PCP4L1: variants seen among roughly 807,000 people sequenced by gnomAD.
PCP4L1 encodes Purkinje cell protein 4 like 1, also known as Purkinje cell protein 4-like protein 1.
In PCP4L1, 9 loss-of-function variants were observed where a neutral mutation model predicts 9.6. The ratio of observed to expected loss-of-function variants is 0.94; its 90% confidence interval spans 0.57 to 1.64. PCP4L1 has a LOEUF of 1.64. PCP4L1 is among the 40% of genes most tolerant of loss of function. The probability of loss-of-function intolerance (pLI) is 0.00; values close to 1 mark genes in which losing one functional copy is unlikely to be tolerated. For synonymous variants in PCP4L1, 31 were observed against 28.2 expected, an observed-to-expected ratio of 1.10 and a Z score of -0.31; for missense variants, 81 against 80.8, an observed-to-expected ratio of 1.00 and a Z score of -0.01.
In PCP4L1 at chr1:161,284,862, G is replaced by T. The variant is rs768585294; in HGVS notation, c.*381G>T. ...TGCCTGAGGGTGGGACATATGCACT[G>T]TTCTGCTAGTTACGGCATTCACACT... On this transcript the variant is annotated 3_prime_UTR_variant, in exon 3 of 3. Coordinates refer to ENST00000504449, the MANE Select transcript of PCP4L1 (RefSeq NM_001102566.2). 9.6e-5 allele frequency: 19 copies of T among 197,486 alleles called. No individual in the cohort carries two copies. The highest frequency in any genetic ancestry group is 4.3e-4 in the Admixed American group (8 of 18,672). The allele number at this position is 197,486 out of a possible 1,614,324, so 12.2% of individuals were successfully genotyped here.
At chr1:161,263,531 C>A (rs1309308551) in intron 1 of PCP4L1, among the ~76,000 whole-genome samples, 1 of 151,918 alleles carries the variant, frequency 6.6e-6, no homozygotes, top group Non-Finnish European at 1.5e-5. Context: ...AGCCACTGTG[C>A]CTGGCCACAG....
chr1:161,280,784 C>G (rs1269738113), intron 1 of PCP4L1, among the ~76,000 whole-genome samples: 2 of 152,174 alleles, frequency 1.3e-5, no homozygotes, highest in Non-Finnish European at 2.9e-5. Flanking sequence ...TTTTCTCCTA[C>G]CTGGCTTCTT....
intron 1 of PCP4L1, among the ~76,000 whole-genome samples, chr1:161,274,041 C>A (rs368017819): frequency 6.6e-6 from 1 of 152,180 alleles, no homozygotes; most frequent in Non-Finnish European, 1.5e-5. Flanking sequence ...AACCTCTCAA[C>A]TTCAATTTCC....
At chr1:161,261,035 G>A (rs557146548) in intron 1 of PCP4L1, among the ~76,000 whole-genome samples, 19 of 152,240 alleles carry the variant, frequency 1.2e-4, no homozygotes, top group Non-Finnish European at 7.4e-5. Context: ...ATGGTAAAAG[G>A]TGGAAGTGTT....
chr1:161,270,249 ATCAT>A (rs1436637165), intron 1 of PCP4L1, among the ~76,000 whole-genome samples: 3 of 152,122 alleles, frequency 2.0e-5, no homozygotes, highest in Admixed American at 1.3e-4. Context: ...GTGAGCTGAG[ATCAT>A]GCCACTGTAC....
chr1:161,264,409 C>T (rs560607312), intron 1 of PCP4L1, among the ~76,000 whole-genome samples: 12 of 151,926 alleles, frequency 7.9e-5, no homozygotes, highest in Admixed American at 6.6e-5. Context: ...CACAGCTACT[C>T]GGGAGGCTGA....
intron 1 of PCP4L1, among the ~76,000 whole-genome samples, chr1:161,272,127 G>T (rs1669633334): frequency 1.3e-5 from 2 of 151,448 alleles, no homozygotes; most frequent in Non-Finnish European, 2.9e-5. Flanking sequence ...ATTCATGGGG[G>T]TACATAGTGA....
chr1:161,263,490 C>T (rs749818952), intron 1 of PCP4L1, among the ~76,000 whole-genome samples: 19 of 152,042 alleles, frequency 1.2e-4, no homozygotes, highest in Non-Finnish European at 2.4e-4. Flanking sequence ...CTGCCCACCT[C>T]GGCTCCCAAA....
chr1:161,279,489 G>A (rs1418759878), intron 1 of PCP4L1, among the ~76,000 whole-genome samples: 1 of 152,212 alleles, frequency 6.6e-6, no homozygotes, highest in African/African-American at 2.4e-5. Context: ...TTATTGAAGT[G>A]AGATGGAAAC....
chr1:161,270,507 A>G (rs1222237832), intron 1 of PCP4L1, among the ~76,000 whole-genome samples: 1 of 143,266 alleles, frequency 7.0e-6, no homozygotes, highest in African/African-American at 2.6e-5. Context: ...GGAAGTGATT[A>G]GGTCATGAGG....
At chr1:161,261,273 C>T (rs572044235) in intron 1 of PCP4L1, among the ~76,000 whole-genome samples, 1 of 152,198 alleles carries the variant, frequency 6.6e-6, no homozygotes, top group Non-Finnish European at 1.5e-5. Context: ...AGAACAAAAC[C>T]AGGGAGGAGT....
At chr1:161,267,313 T>A (rs1162745860) in intron 1 of PCP4L1, among the ~76,000 whole-genome samples, 1 of 152,236 alleles carries the variant, frequency 6.6e-6, no homozygotes, top group Non-Finnish European at 1.5e-5. Flanking sequence ...ACCCAAGCTA[T>A]GTCATGCAAA....
At chr1:161,266,090 G>A (rs12137529) in intron 1 of PCP4L1, among the ~76,000 whole-genome samples, 21,277 of 151,926 alleles carry the variant, frequency 0.14, 1,554 homozygotes, top group Middle Eastern at 0.16. Context: ...CCCATAAACA[G>A]GTACCTAGAA....
rs189900714 is a variant in PCP4L1, at chr1:161,261,079, A to G, written c.9+2096A>G. 6.5e-4 allele frequency among the ~76,000 whole-genome samples: 99 copies of G among 152,192 alleles called. No homozygotes were observed. In the Middle Eastern group the frequency reaches 0.014, roughly 21 times the overall value. On this transcript the variant is annotated intron_variant, in intron 1 of 2. Coordinates refer to ENST00000504449, the MANE Select transcript of PCP4L1 (RefSeq NM_001102566.2). ...CTCTAGGGAGACTCCAAACTGCTTC[A>G]TTTCTCTCAGGCCAGCCCCATGGGG...
At chr1:161,272,884 C>T (rs539801604) in intron 1 of PCP4L1, among the ~76,000 whole-genome samples, 34 of 151,870 alleles carry the variant, frequency 2.2e-4, no homozygotes, top group African/African-American at 6.5e-4. Context: ...TGGGAGGAGG[C>T]AGATAGGCAA....
chr1:161,277,561 C>G (rs1429935885), intron 1 of PCP4L1, among the ~76,000 whole-genome samples: 4 of 152,214 alleles, frequency 2.6e-5, no homozygotes, highest in Admixed American at 6.5e-5. Flanking sequence ...CTTATCTCCT[C>G]TAAAATCACT....
In PCP4L1 at chr1:161,284,728, C is replaced by A; in HGVS notation, c.*247C>A. 1 of 539,898 alleles carries A rather than the reference C, an allele frequency of 1.9e-6. No individual in the cohort carries two copies. Among genetic ancestry groups the A allele is most frequent in the Non-Finnish European group, 3.3e-6 (1 of 303,962 alleles). The allele number at this position is 539,898 out of a possible 1,614,324, so 33.4% of individuals were successfully genotyped here. On this transcript the variant is annotated 3_prime_UTR_variant, in exon 3 of 3. Transcript: ENST00000504449. ...AACAATTTCTTCTTGGTATAAGGTTCTTTGATCAGTAGCTATGCCTGCCCT... is the reference window on the plus strand; with the variant it reads ...AACAATTTCTTCTTGGTATAAGGTTATTTGATCAGTAGCTATGCCTGCCCT...
chr1:161,267,130 G>A (rs1669545146), intron 1 of PCP4L1, among the ~76,000 whole-genome samples: 1 of 152,172 alleles, frequency 6.6e-6, no homozygotes, highest in Non-Finnish European at 1.5e-5. Flanking sequence ...CAAAGGCAAG[G>A]AAAGGGATTT....
chr1:161,265,076 A>G (rs1311968319), intron 1 of PCP4L1, among the ~76,000 whole-genome samples: 1 of 152,150 alleles, frequency 6.6e-6, no homozygotes, highest in African/African-American at 2.4e-5. Context: ...CCCTCTTTTC[A>G]TGAGTTCTTA....
Sources: allele counts gnomAD v4.1 joint callset (sites outside exome capture counted in the v4.1 genomes callset), GRCh38; gene constraint gnomAD v4.1.1; transcripts MANE v1.5; gene names NCBI Gene and HGNC (gene_info 2026-07-23, HGNC 2026-07-21).